GGT5: variants seen among roughly 807,000 people sequenced by gnomAD.
GGT5 encodes the protein glutathione hydrolase 5 proenzyme.
GGT5 carries 50 observed loss-of-function variants against 58.1 expected under a neutral mutation model. That is an observed-to-expected ratio of 0.86 (90% CI 0.69 to 1.09). The LOEUF (loss-of-function observed/expected upper bound fraction) is 1.09, where lower values mean the gene tolerates loss of function less well. GGT5 is among the 50% of genes least tolerant of loss of function. The pLI is 0.00. For missense variants in GGT5, 800 were observed against 789.4 expected (o/e 1.01, Z -0.16); for synonymous variants, 370 against 346.1 (o/e 1.07, Z -0.77).
At position 24,219,820 on chromosome 22, in the gene GGT5, C is replaced by G. The variant is rs923708177; in HGVS notation, c.*150G>C. The G allele has an allele frequency of 4.2e-6, 3 of 710,792 alleles. No homozygotes were observed. Among genetic ancestry groups the G allele is most frequent in the Admixed American group, 5.6e-5 (2 of 35,934 alleles). 44.0% of individuals were successfully genotyped at this position (710,792 alleles called of 1,614,324 possible). On this transcript the variant is annotated 3_prime_UTR_variant, in exon 12 of 12. Coordinates refer to ENST00000327365, the MANE Select transcript of GGT5 (RefSeq NM_004121.5). ...GGATGAGGCTCAGCCTCTCATCTGC[C>G]CAGCTGGTCCCCGCCACCTCTTCCA...
Position 24,244,620 on chromosome 22 carries a change from A to G in GGT5, c.106T>C (p.Cys36Arg). Reference sequence around the variant, plus strand: ...GCGTGGGCAAAGGCCTGGGGGCCACATGGGGCCTGGTGTCGAGAGAGGACC... The same window carrying G: ...GCGTGGGCAAAGGCCTGGGGGCCACGTGGGGCCTGGTGTCGAGAGAGGACC... ...AVVLSRHQAP[C>R]GPQAFAHAAV... The change falls in exon 1 of 12, where the codon TGT (cysteine) becomes CGT (arginine). Residue 36 changes from cysteine (C) to arginine (R), a missense_variant. Transcript: ENST00000327365. 1.2e-6 allele frequency: 2 copies of G among 1,612,832 alleles called. No individual in the cohort carries two copies. The highest frequency in any genetic ancestry group is 1.7e-6 in the Non-Finnish European group (2 of 1,179,888).
intron 3 of GGT5, 139 bp downstream of exon 3, chr22:24,233,359 G>A: frequency 1.7e-6 from 1 of 581,024 alleles, no homozygotes; most frequent in Admixed American, 3.2e-5. Context: ...GGTTGGGGCT[G>A]GGGGTTCCCC....
chr22:24,238,856 T>TA (rs2048215595), intron 1 of GGT5, among the ~76,000 whole-genome samples: 1 of 10,932 alleles, frequency 9.1e-5, no homozygotes, highest in South Asian at 2.3e-3. Flanking sequence ...TTATATATAT[T>TA]ATATATATAA....
chr22:24,230,041 C>T (rs558535187), intron 6 of GGT5, among the ~76,000 whole-genome samples: 14 of 150,872 alleles, frequency 9.3e-5, no homozygotes, highest in South Asian at 4.2e-4. Flanking sequence ...AAGACCAGCC[C>T]GGCCAACATG....
At chr22:24,241,622 T>C (rs2048329479) in intron 1 of GGT5, 1 of 152,174 alleles carries the variant, frequency 6.6e-6, no homozygotes, top group South Asian at 2.1e-4. Flanking sequence ...GACAAGTATT[T>C]GACCAAACAA....
intron 11 of GGT5, chr22:24,220,453 C>T (rs978469740): frequency 2.0e-6 from 1 of 492,768 alleles, no homozygotes; most frequent in Non-Finnish European, 4.0e-6. Context: ...TGTGGCTTCT[C>T]AAGATTTAGA....
At chr22:24,223,451 C>T (rs946581718) in intron 11 of GGT5, among the ~76,000 whole-genome samples, 2 of 152,024 alleles carry the variant, frequency 1.3e-5, no homozygotes, top group African/African-American at 4.8e-5. Flanking sequence ...AAGGATGTGC[C>T]CTGGATCTTG....
chr22:24,233,760 G>C, intron 2 of GGT5, 114 bp downstream of exon 2: 1 of 1,098,622 alleles, frequency 9.1e-7, no homozygotes, highest in Non-Finnish European at 1.4e-6. Context: ...GGCAGGGCAG[G>C]GGGCCCAAGA....
At chr22:24,231,793 T>C (rs980022953) in intron 5 of GGT5, among the ~76,000 whole-genome samples, 2 of 152,090 alleles carry the variant, frequency 1.3e-5, no homozygotes, top group African/African-American at 4.8e-5. Context: ...CCTGTGAGAA[T>C]GGTCAGCTCG....
chr22:24,223,098 G>GA (rs1055394864), intron 11 of GGT5, among the ~76,000 whole-genome samples: 4 of 140,050 alleles, frequency 2.9e-5, no homozygotes, highest in Admixed American at 7.2e-5. Context: ...TCAAAAAAAA[G>GA]AAAAAAAAAG....
intron 1 of GGT5, among the ~76,000 whole-genome samples, chr22:24,240,322 T>C (rs2048294007): frequency 6.6e-6 from 1 of 152,166 alleles, no homozygotes; most frequent in Non-Finnish European, 1.5e-5. Context: ...AACAAGTTGG[T>C]GGTGGGTTTC....
In GGT5 at chr22:24,233,487, TG is replaced by T. The variant is rs752929085; in HGVS notation, c.400+10del. 2.5e-5 allele frequency: 38 copies of T among 1,541,648 alleles called. No homozygotes were observed. The Middle Eastern group carries it at 7.0e-4, about 28-fold the overall frequency. ...GGGGGGTGGGAGTGGGGGACCTCCA[TG>T]GGGCGTCACCTGTGCCCAGTGGCAG... is the stretch of plus-strand genomic sequence containing the variant. On this transcript the variant is annotated intron_variant, in intron 3 of 11. Coordinates refer to ENST00000327365, the MANE Select transcript of GGT5 (RefSeq NM_004121.5).
Position 24,219,776 on chromosome 22 carries a change from C to T in GGT5, c.*194G>A. ...GGGGCCGGTTCAGGACCACCAGGGGCTCTGGGAAAGGGGGTTAGGGATGAG... is the reference window on the plus strand; with the variant it reads ...GGGGCCGGTTCAGGACCACCAGGGGTTCTGGGAAAGGGGGTTAGGGATGAG... On this transcript the variant is annotated 3_prime_UTR_variant, in exon 12 of 12. Coordinates refer to ENST00000327365, the MANE Select transcript of GGT5 (RefSeq NM_004121.5). 3 of 592,986 alleles carry T rather than the reference C, an allele frequency of 5.1e-6. No homozygotes were observed. Among genetic ancestry groups the T allele is most frequent in the South Asian group, 2.1e-5 (1 of 47,836 alleles). 36.7% of individuals were successfully genotyped at this position (592,986 alleles called of 1,614,324 possible).
intron 1 of GGT5, chr22:24,244,294 T>TAC: frequency 5.4e-6 from 2 of 367,222 alleles, no homozygotes; most frequent in Non-Finnish European, 4.8e-6. Flanking sequence ...CCAGTGCACG[T>TAC]GCACACACAC....
At chr22:24,240,932 C>A (rs1298117113) in intron 1 of GGT5, among the ~76,000 whole-genome samples, 1 of 152,076 alleles carries the variant, frequency 6.6e-6, no homozygotes, top group Non-Finnish European at 1.5e-5. Context: ...CCAAAGCGGG[C>A]AGATCACCTG....
intron 11 of GGT5, among the ~76,000 whole-genome samples, chr22:24,222,742 C>G (rs1239798928): frequency 6.6e-6 from 1 of 152,182 alleles, no homozygotes; most frequent in Non-Finnish European, 1.5e-5. Flanking sequence ...GTGAAAGGTC[C>G]TGAGAATTGA....
At chr22:24,220,703 C>T (rs984476615) in intron 11 of GGT5, 139 of 454,906 alleles carry the variant, frequency 3.1e-4, no homozygotes, top group African/African-American at 2.5e-3. Context: ...TGAGAACAGC[C>T]AGGGCAACAA....
In GGT5 at chr22:24,244,759, T is replaced by A. The variant is rs1601446439; in HGVS notation, c.-34A>T. On this transcript the variant is annotated 5_prime_UTR_variant, in exon 1 of 12. Coordinates refer to ENST00000327365, the MANE Select transcript of GGT5 (RefSeq NM_004121.5). ...AGCCCAGGAGGAGAGGGGCGGCTGG[T>A]GGGCAGACGGAGGGACGGATGGGTG... 1 of 1,575,442 alleles carries A rather than the reference T, an allele frequency of 6.3e-7. No individual in the cohort carries two copies. Among genetic ancestry groups the A allele is most frequent in the Non-Finnish European group, 8.6e-7 (1 of 1,158,728 alleles).
Position 24,225,623 on chromosome 22 carries a change from G to C in GGT5, c.1259C>G (p.Thr420Arg). Reference sequence around the variant, plus strand: ...GAGCTCGTTGTTGAGGATGATGCCTGTCCGTGGTGAATACACCATCGCTCC... The same window carrying C: ...GAGCTCGTTGTTGAGGATGATGCCTCTCCGTGGTGAATACACCATCGCTCC... The part of the protein sequence containing the change: ...PFGAMVYSPR[T>R]GIILNNELLD... Residue 420 changes from threonine to arginine, a missense_variant, in exon 9 of 12, where the codon ACA (threonine) becomes AGA (arginine). By Grantham distance (71) the Thr-to-Arg change is moderately conservative. Coordinates refer to ENST00000327365, the MANE Select transcript of GGT5 (RefSeq NM_004121.5). The C allele has an allele frequency of 6.2e-7, 1 of 1,612,688 alleles. No homozygotes were observed. The highest frequency in any genetic ancestry group is 8.5e-7 in the Non-Finnish European group (1 of 1,178,756).
Sources: gnomAD v4.1 joint callset for allele counts (sites outside exome capture counted in the v4.1 genomes callset) on GRCh38, gnomAD v4.1.1 for gene constraint, MANE v1.5 for transcripts, NCBI Gene and HGNC (gene_info 2026-07-23, HGNC 2026-07-21) for gene names.